The following ARHGEF33 variants were observed in gnomAD, a reference collection of about 807,000 sequenced individuals.
The protein encoded by ARHGEF33 is DH and coiled-coil domain-containing protein ENSP00000381780.
ARHGEF33 carries 72 observed loss-of-function variants against 101.9 expected under a neutral mutation model. The observed-to-expected ratio is 0.71, with a 90% CI of 0.58 to 0.86. The LOEUF (loss-of-function observed/expected upper bound fraction) is 0.86, where lower values mean the gene tolerates loss of function less well. ARHGEF33 is among the 40% of genes least tolerant of loss of function. The probability of loss-of-function intolerance (pLI) is 0.00; values close to 1 mark genes in which losing one functional copy is unlikely to be tolerated. For synonymous variants in ARHGEF33, 499 were observed against 442.5 expected (o/e 1.13, Z -1.60); for missense variants, 1,169 against 1,111.3 (o/e 1.05, Z -0.74).
chr2:38,953,101 T>G, intron 11 of ARHGEF33, 61 bp from the exon 12 acceptor site: 1 of 797,442 alleles, frequency 1.3e-6, no homozygotes. Context: ...TATGACTCTA[T>G]AAAAATATTA....
chr2:38,970,553 T>G (rs548394067), intron 17 of ARHGEF33, among the ~76,000 whole-genome samples: 1 of 152,370 alleles, frequency 6.6e-6, no homozygotes, highest in East Asian at 1.9e-4. Flanking sequence ...TTTAGATTAC[T>G]TAACCTTAAT....
At chr2:38,973,234 A>G (rs1668205566) in intron 17 of ARHGEF33, 1 of 152,750 alleles carries the variant, frequency 6.5e-6, no homozygotes, top group Admixed American at 6.5e-5. Context: ...AATGTAGCAT[A>G]TATGTGTGGT....
In ARHGEF33 at chr2:38,974,755, A is replaced by C. The variant is rs1161662997; in HGVS notation, c.*912A>C. The C allele has an allele frequency of 6.6e-6, 1 of 152,242 alleles. No individual in the cohort carries two copies. Among genetic ancestry groups the C allele is most frequent in the South Asian group, 2.1e-4 (1 of 4,836 alleles). The allele number at this position is 152,242 out of a possible 1,614,324, so 9.4% of individuals were successfully genotyped here. ...AAGGTGGCAATAGCACCAAAACTTC[A>C]ATGGCTCACACACAGCAGTTGCTAC... On this transcript the variant is annotated 3_prime_UTR_variant, in exon 18 of 18. Coordinates refer to ENST00000409978, the MANE Select transcript of ARHGEF33 (RefSeq NM_001145451.5).
intron 2 of ARHGEF33, 98 bp from the exon 3 acceptor site, chr2:38,919,265 A>C (rs988945030): frequency 1.9e-5 from 11 of 586,230 alleles, no homozygotes; most frequent in Admixed American, 1.8e-4. Context: ...ATGTACCTCA[A>C]GCTGTGTTCA....
chr2:38,904,549 T>C (rs943770801), intron 2 of ARHGEF33, among the ~76,000 whole-genome samples: 1 of 151,346 alleles, frequency 6.6e-6, no homozygotes. Flanking sequence ...CTACTAAAAA[T>C]ACAAAAATTA....
intron 4 of ARHGEF33, 148 bp downstream of exon 4, chr2:38,921,571 C>T (rs565987833): frequency 3.1e-6 from 2 of 646,096 alleles, no homozygotes; most frequent in Admixed American, 2.2e-5. Flanking sequence ...ACAGGCACCT[C>T]AGTGGGTCCC....
intron 10 of ARHGEF33, among the ~76,000 whole-genome samples, chr2:38,949,269 G>C (rs1667531605): frequency 6.6e-6 from 1 of 152,190 alleles, no homozygotes; most frequent in Non-Finnish European, 1.5e-5. Flanking sequence ...ATTCAAGTAA[G>C]TTCAGATCAA....
chr2:38,942,357 G>C (rs1243551726), intron 9 of ARHGEF33, among the ~76,000 whole-genome samples: 1 of 151,242 alleles, frequency 6.6e-6, no homozygotes, highest in Non-Finnish European at 1.5e-5. Context: ...AGTAGAGATG[G>C]GGTTTCACCA....
At chr2:38,927,570 C>G (rs1269867181) in intron 4 of ARHGEF33, among the ~76,000 whole-genome samples, 2 of 152,146 alleles carry the variant, frequency 1.3e-5, no homozygotes, top group Admixed American at 1.3e-4. Flanking sequence ...GTGGCGCATG[C>G]CTGTAATCCC....
chr2:38,915,624 G>A (rs1219563414), intron 2 of ARHGEF33, among the ~76,000 whole-genome samples: 1 of 151,894 alleles, frequency 6.6e-6, no homozygotes, highest in African/African-American at 2.4e-5. Flanking sequence ...CACCTGCCTC[G>A]GCCTCCCAAA....
chr2:38,959,707 T>G, intron 15 of ARHGEF33, 134 bp from the exon 16 acceptor site: 6 of 989,376 alleles, frequency 6.1e-6, no homozygotes, highest in African/African-American at 1.7e-5. Context: ...AGCGCCTTAG[T>G]GGAAGTTTGT....
At chr2:38,939,547 A>T (rs1667247310) in intron 9 of ARHGEF33, among the ~76,000 whole-genome samples, 1 of 152,214 alleles carries the variant, frequency 6.6e-6, no homozygotes, top group Non-Finnish European at 1.5e-5. Context: ...CTGGTATCAC[A>T]CTGTAGTTTT....
intron 7 of ARHGEF33, among the ~76,000 whole-genome samples, chr2:38,935,246 T>C (rs1445329999): frequency 1.3e-5 from 2 of 151,818 alleles, no homozygotes; most frequent in Non-Finnish European, 2.9e-5. Context: ...AGTGTCACAA[T>C]CTTAGCTCAC....
At chr2:38,921,580 C>A (rs948118517) in intron 4 of ARHGEF33, among the ~76,000 whole-genome samples, 157 bp downstream of exon 4, 22 of 152,290 alleles carry the variant, frequency 1.4e-4, no homozygotes, top group African/African-American at 5.3e-4. Context: ...TCAGTGGGTC[C>A]CGCCACTCAC....
At chr2:38,943,780 A>G in intron 9 of ARHGEF33, 121 bp from the exon 10 acceptor site, 2 of 1,048,064 alleles carry the variant, frequency 1.9e-6, no homozygotes, top group Admixed American at 7.0e-5. Flanking sequence ...CCTTTCAAAA[A>G]CTTGCAGATG....
intron 4 of ARHGEF33, among the ~76,000 whole-genome samples, chr2:38,925,772 T>C (rs1666856442): frequency 6.6e-6 from 1 of 152,176 alleles, no homozygotes; most frequent in Non-Finnish European, 1.5e-5. Flanking sequence ...ATCATAGGAA[T>C]TGGGAGGTTT....
At chr2:38,912,186 C>G (rs1406649706) in intron 2 of ARHGEF33, among the ~76,000 whole-genome samples, 1 of 152,180 alleles carries the variant, frequency 6.6e-6, no homozygotes, top group Non-Finnish European at 1.5e-5. Flanking sequence ...ACTGTAGAGA[C>G]AGAAAGAAAG....
chr2:38,929,728 T>C lies in ARHGEF33; in HGVS notation c.260T>C (p.Met87Thr). The change falls in exon 6 of 18, where the codon ATG becomes ACG. Residue 87 changes from methionine to threonine, a missense_variant. Physicochemically the swap from Met to Thr is moderately conservative, Grantham distance 81. Transcript: ENST00000409978. ...NYFKEELSNA[M>T]SMIQAITSKQ... ...TTTTAGGAAGAGCTGAGCAATGCCA[T>C]GTCGATGATCCAAGCCATCACTTCC... 6.4e-7 allele frequency: 1 copy of C among 1,552,000 alleles called. No individual in the cohort carries two copies. The highest frequency in any genetic ancestry group is 8.7e-7 in the Non-Finnish European group (1 of 1,146,942).
Position 38,952,485 on chromosome 2 carries a change from A to G in ARHGEF33, c.1054-677A>G, listed in dbSNP as rs577446011. On this transcript the variant is annotated intron_variant, in intron 11 of 17. Coordinates refer to ENST00000409978, the MANE Select transcript of ARHGEF33 (RefSeq NM_001145451.5). ...TGAAGTGGGATGGGCAGAGTCCCTCATCTGGACGTACATGATTGACTGAAA... is the reference window on the plus strand; with the variant it reads ...TGAAGTGGGATGGGCAGAGTCCCTCGTCTGGACGTACATGATTGACTGAAA... Among the ~76,000 whole-genome samples the G allele has an allele frequency of 3.7e-4, 56 of 152,352 alleles. No individual in the cohort carries two copies. In the South Asian group the frequency reaches 5.4e-3, roughly 15 times the overall value.
Sources: gnomAD v4.1 joint callset for allele counts (sites outside exome capture counted in the v4.1 genomes callset) on GRCh38, gnomAD v4.1.1 for gene constraint, MANE v1.5 for transcripts, NCBI Gene and HGNC (gene_info 2026-07-23, HGNC 2026-07-21) for gene names.